MERTK: variants seen among roughly 807,000 people sequenced by gnomAD.
MERTK encodes tyrosine-protein kinase Mer.
A neutral mutation model predicts 99.3 loss-of-function variants in MERTK; 69 were observed. The ratio of observed to expected loss-of-function variants is 0.70; its 90% CI spans 0.57 to 0.85. MERTK has a LOEUF of 0.85. Ranked by LOEUF, MERTK falls within the 40% of genes least tolerant of loss-of-function variation. The pLI is 0.00. For missense variants in MERTK, 1,125 were observed against 1,249.4 expected (o/e 0.90, Z 1.50); for synonymous variants, 426 against 467.6 (o/e 0.91, Z 1.15).
intron 4 of MERTK, among the ~76,000 whole-genome samples, chr2:111,951,522 C>CATATACATATATATATATATATAT: frequency 1.2e-5 from 1 of 85,870 alleles, no homozygotes; most frequent in Admixed American, 1.3e-4. Context: ...ATAATATTCC[C>CATATACATATATATATATATATAT]ATATATATAT....
At chr2:111,960,795 G>T (rs1685235691) in intron 4 of MERTK, among the ~76,000 whole-genome samples, 1 of 151,944 alleles carries the variant, frequency 6.6e-6, no homozygotes, top group South Asian at 2.1e-4. Context: ...TACAGTGGGT[G>T]TTGGTGTCAA....
intron 10 of MERTK, among the ~76,000 whole-genome samples, chr2:112,000,582 G>T (rs1335559653): frequency 6.6e-6 from 1 of 152,172 alleles, no homozygotes; most frequent in Non-Finnish European, 1.5e-5. Context: ...GAGGAGCACA[G>T]AATTAAAATG....
intron 1 of MERTK, among the ~76,000 whole-genome samples, chr2:111,922,918 T>G (rs1490103958): frequency 6.6e-6 from 1 of 152,340 alleles, no homozygotes; most frequent in Non-Finnish European, 1.5e-5. Context: ...AATAACATTC[T>G]TTACTGGCTT....
In MERTK at chr2:112,016,959, TG is replaced by T. The variant is rs541447040; in HGVS notation, c.2080-2453del. ...AGAATGAAGCCGCGGACCTTTGCAG[TG>T]AGTGTTACAGCTCTTAAAGATGGCA... On this transcript the variant is annotated intron_variant, in intron 15 of 18. Transcript: ENST00000295408. Among the ~76,000 whole-genome samples, 816 of 152,264 alleles carry T rather than the reference TG, an allele frequency of 5.4e-3. 1 individual carries two copies. The highest frequency in any genetic ancestry group is 7.6e-3 in the Non-Finnish European group (515 of 68,020).
At chr2:111,917,011 G>T (rs1424330464) in intron 1 of MERTK, among the ~76,000 whole-genome samples, 1 of 152,142 alleles carries the variant, frequency 6.6e-6, no homozygotes, top group East Asian at 1.9e-4. Flanking sequence ...TGGCTCAGAG[G>T]GGTAGAAGTG....
At chr2:111,964,373 G>A (rs1410979317) in intron 4 of MERTK, among the ~76,000 whole-genome samples, 1 of 69,996 alleles carries the variant, frequency 1.4e-5, no homozygotes, top group Admixed American at 1.6e-4. Flanking sequence ...TGTCTCGTGT[G>A]TGTGTGTGTG....
intron 4 of MERTK, among the ~76,000 whole-genome samples, chr2:111,958,077 T>C (rs540018857): frequency 1.3e-5 from 2 of 152,196 alleles, no homozygotes; most frequent in East Asian, 3.9e-4. Context: ...ACCATCATAA[T>C]GGAGTTGGGT....
At chr2:111,922,986 A>T (rs748335880) in intron 1 of MERTK, among the ~76,000 whole-genome samples, 2 of 152,206 alleles carry the variant, frequency 1.3e-5, no homozygotes, top group Non-Finnish European at 2.9e-5. Context: ...TAAATGTCTG[A>T]GCCACTGTAA....
At chr2:111,913,062 T>C in intron 1 of MERTK, 1 of 985,412 alleles carries the variant, frequency 1.0e-6, no homozygotes, top group Non-Finnish European at 1.2e-6. Context: ...TGAAAAAGTT[T>C]CTGTGTGGGT....
At chr2:111,964,398 T>TGTGTGTGCGC (rs771063715) in intron 4 of MERTK, among the ~76,000 whole-genome samples, 11 of 81,070 alleles carry the variant, frequency 1.4e-4, no homozygotes, top group Admixed American at 6.8e-4. Flanking sequence ...TGTGTGTGTG[T>TGTGTGTGCGC]GCGCGCGCGC....
At chr2:111,915,487 A>C (rs1207168216) in intron 1 of MERTK, among the ~76,000 whole-genome samples, 1 of 151,726 alleles carries the variant, frequency 6.6e-6, no homozygotes, top group Non-Finnish European at 1.5e-5. Flanking sequence ...TAATACTATA[A>C]ATTTTCCCCA....
intron 4 of MERTK, chr2:111,952,688 C>T (rs1685080440): frequency 1.3e-5 from 2 of 152,198 alleles, no homozygotes; most frequent in Non-Finnish European, 2.9e-5. Context: ...CTAATCTTCC[C>T]TGTTATTGTT....
intron 7 of MERTK, among the ~76,000 whole-genome samples, chr2:111,982,094 C>T (rs953571572): frequency 2.1e-4 from 32 of 151,650 alleles, no homozygotes; most frequent in Non-Finnish European, 3.8e-4. Context: ...GGGTCTTGCC[C>T]TGTCACCCAG....
chr2:111,982,924 G>A lies in MERTK; in HGVS notation c.1227G>A (p.Pro409=), dbSNP rs1384330473. 3.7e-6 allele frequency: 6 copies of A among 1,614,126 alleles called. No individual in the cohort carries two copies. Among genetic ancestry groups the A allele is most frequent in the East Asian group, 2.2e-5 (1 of 44,864 alleles). Residue 409 remains proline, a synonymous_variant, in exon 8 of 19, where the codon CCG becomes CCA. Coordinates refer to ENST00000295408, the MANE Select transcript of MERTK (RefSeq NM_006343.3). The part of the protein sequence containing the change: ...DNVDIRWMKP[P]TKQQDGELVG... Reference sequence around the variant, plus strand: ...TGGACATCAGATGGATGAAGCCTCCGACTAAGCAGCAGGATGGAGAACTGG... The same window carrying A: ...TGGACATCAGATGGATGAAGCCTCCAACTAAGCAGCAGGATGGAGAACTGG...
intron 4 of MERTK, among the ~76,000 whole-genome samples, chr2:111,956,769 C>T (rs1379594528): frequency 6.6e-6 from 1 of 151,842 alleles, no homozygotes; most frequent in African/African-American, 2.4e-5. Context: ...CAAGCAAATC[C>T]CCCTACCTCA....
chr2:111,906,134 T>C (rs1042336541), intron 1 of MERTK, among the ~76,000 whole-genome samples: 2 of 152,226 alleles, frequency 1.3e-5, no homozygotes, highest in Non-Finnish European at 2.9e-5. Context: ...ACAGGGTTAG[T>C]GCTCTGCCCT....
At chr2:111,955,456 G>C (rs909553631) in intron 4 of MERTK, among the ~76,000 whole-genome samples, 23 of 152,142 alleles carry the variant, frequency 1.5e-4, no homozygotes, top group Non-Finnish European at 3.1e-4. Context: ...GTTCTATAAG[G>C]GGGTAGAAGA....
At chr2:111,944,209 A>G (rs1328846089) in intron 2 of MERTK, among the ~76,000 whole-genome samples, 1 of 151,712 alleles carries the variant, frequency 6.6e-6, no homozygotes, top group Non-Finnish European at 1.5e-5. Flanking sequence ...CTGAGGCAGG[A>G]CAATCACTTG....
At chr2:112,007,496 G>A (rs776510194) in intron 13 of MERTK, among the ~76,000 whole-genome samples, 4 of 151,960 alleles carry the variant, frequency 2.6e-5, no homozygotes, top group African/African-American at 9.7e-5. Flanking sequence ...TACACCTACC[G>A]AACAATGACT....
Sources: allele counts gnomAD v4.1 joint callset (sites outside exome capture counted in the v4.1 genomes callset), GRCh38; gene constraint gnomAD v4.1.1; transcripts MANE v1.5; gene names NCBI Gene and HGNC (gene_info 2026-07-23, HGNC 2026-07-21).